Variants in EDN1 observed in about 807,000 individuals in gnomAD.
The protein encoded by EDN1 is endothelin-1.
A neutral mutation model predicts 21.7 loss-of-function variants in EDN1; 11 were observed. That is an observed-to-expected ratio of 0.51 (90% CI 0.32 to 0.84). The LOEUF is 0.84. Among genes scored for constraint, EDN1 ranks in the 40% least tolerant of loss-of-function variants. The pLI is 0.03. For missense variants in EDN1, 244 were observed against 262.3 expected (o/e 0.93, Z 0.48); for synonymous variants, 85 against 90.6 (o/e 0.94, Z 0.35).
At chr6:12,288,057 AG>A (rs1368826779), upstream of EDN1, among the ~76,000 whole-genome samples, 2 of 151,988 alleles carry the variant, frequency 1.3e-5, no homozygotes, top group Non-Finnish European at 2.9e-5. Context: ...TGGAACCTGC[AG>A]GGGCAGCCTC....
chr6:12,238,615 C>T, the EDN1 span, among the ~76,000 whole-genome samples: 14 of 152,342 alleles, frequency 9.2e-5, no homozygotes, highest in Admixed American at 8.5e-4. Flanking sequence ...CTTAGAACCA[C>T]GGCTGATGCA....
At chr6:12,233,082 T>C in the EDN1 span, among the ~76,000 whole-genome samples, 1 of 152,224 alleles carries the variant, frequency 6.6e-6, no homozygotes, top group Non-Finnish European at 1.5e-5. Context: ...TTAAGTTTTC[T>C]CTTTTTTCTC....
the EDN1 span, among the ~76,000 whole-genome samples, chr6:12,274,939 C>CTCCTTCCTTCCTTCCTTCCT: frequency 3.1e-4 from 42 of 135,452 alleles, 2 homozygotes; most frequent in South Asian, 8.2e-4. Context: ...TTTCTTCCTT[C>CTCCTTCCTTCCTTCCTTCCT]TCCTTCCTTC....
At chr6:12,258,640 G>A in the EDN1 span, among the ~76,000 whole-genome samples, 1 of 152,160 alleles carries the variant, frequency 6.6e-6, no homozygotes, top group Non-Finnish European at 1.5e-5. Flanking sequence ...CAACGTGTGT[G>A]AACCTTACAT....
At position 12,290,482 on chromosome 6, in the gene EDN1, C is replaced by A. The variant is rs574179798; in HGVS notation, c.-148C>A. 1 of 633,558 alleles carries A rather than the reference C, an allele frequency of 1.6e-6. No individual in the cohort carries two copies. Among genetic ancestry groups the A allele is most frequent in the Non-Finnish European group, 2.7e-6 (1 of 373,982 alleles). 39.2% of individuals were successfully genotyped at this position (633,558 alleles called of 1,614,324 possible). A position where few individuals can be genotyped will look rare whatever the true frequency, so the allele number is the denominator to read the frequency against. Reference sequence around the variant, plus strand: ...TGCCTTCTCTCCTGGCAGGCGCTGCCTTTTCTCCCCGTTAAAAGGGCACTT... The same window carrying A: ...TGCCTTCTCTCCTGGCAGGCGCTGCATTTTCTCCCCGTTAAAAGGGCACTT... On this transcript the variant is annotated 5_prime_UTR_variant, in exon 1 of 5. Transcript: ENST00000379375.
At chr6:12,231,975 CT>C in the EDN1 span, among the ~76,000 whole-genome samples, 1 of 151,098 alleles carries the variant, frequency 6.6e-6, no homozygotes, top group South Asian at 2.1e-4. Context: ...ACCATAAAGA[CT>C]TTTTTAGCAT....
At chr6:12,271,226 T>C in the EDN1 span, among the ~76,000 whole-genome samples, 3 of 152,178 alleles carry the variant, frequency 2.0e-5, no homozygotes, top group Admixed American at 6.5e-5. Flanking sequence ...TTATTAATTG[T>C]TTTCCGGTTG....
At chr6:12,254,324 T>C in the EDN1 span, among the ~76,000 whole-genome samples, 1 of 152,178 alleles carries the variant, frequency 6.6e-6, no homozygotes, top group Admixed American at 6.6e-5. Flanking sequence ...CCTGGCCAAT[T>C]CCTATTGAGT....
the EDN1 span, among the ~76,000 whole-genome samples, chr6:12,284,096 C>T: frequency 6.6e-6 from 1 of 152,160 alleles, no homozygotes; most frequent in Non-Finnish European, 1.5e-5. Context: ...AAAATCCATG[C>T]TACCTTTACA....
upstream of EDN1, among the ~76,000 whole-genome samples, chr6:12,289,799 A>AC (rs1762628066): frequency 6.6e-6 from 1 of 152,160 alleles, no homozygotes; most frequent in Admixed American, 6.5e-5. Context: ...AGCAAAAAAG[A>AC]CCCGCAGGAA....
the EDN1 span, among the ~76,000 whole-genome samples, chr6:12,240,424 T>C: frequency 9.9e-5 from 15 of 152,228 alleles, no homozygotes; most frequent in East Asian, 7.7e-4. Flanking sequence ...GGAACTATTA[T>C]GTGATTCTCA....
the EDN1 span, among the ~76,000 whole-genome samples, chr6:12,250,885 A>G: frequency 6.6e-6 from 1 of 152,218 alleles, no homozygotes; most frequent in African/African-American, 2.4e-5. Context: ...ATCTTTGTAT[A>G]TAACAACTGG....
At chr6:12,274,704 A>G in the EDN1 span, among the ~76,000 whole-genome samples, 3 of 152,146 alleles carry the variant, frequency 2.0e-5, no homozygotes, top group African/African-American at 4.8e-5. Flanking sequence ...GTCTCACTCA[A>G]TTTTTGTCAG....
At chr6:12,255,709 T>G in the EDN1 span, among the ~76,000 whole-genome samples, 2 of 152,252 alleles carry the variant, frequency 1.3e-5, no homozygotes, top group Non-Finnish European at 2.9e-5. Context: ...TACCATCACA[T>G]GTAATCATTA....
At chr6:12,248,276 T>C in the EDN1 span, among the ~76,000 whole-genome samples, 20 of 152,114 alleles carry the variant, frequency 1.3e-4, no homozygotes, top group Non-Finnish European at 2.8e-4. Context: ...AAGAGAGAGC[T>C]CTTACCAGGA....
the EDN1 span, among the ~76,000 whole-genome samples, chr6:12,284,859 A>T: frequency 6.6e-6 from 1 of 152,154 alleles, no homozygotes; most frequent in African/African-American, 2.4e-5. Flanking sequence ...TCCTTTTAGC[A>T]TCTCATTCAG....
the EDN1 span, among the ~76,000 whole-genome samples, chr6:12,277,516 TAAGA>T: frequency 1.3e-5 from 2 of 152,154 alleles, no homozygotes; most frequent in Non-Finnish European, 2.9e-5. Context: ...ACACAATTAG[TAAGA>T]AATAGATTTG....
At chr6:12,292,134 C>T (rs1306262497) in intron 1 of EDN1, among the ~76,000 whole-genome samples, 1 of 151,616 alleles carries the variant, frequency 6.6e-6, no homozygotes, top group African/African-American at 2.4e-5. Flanking sequence ...GGTGGATAAG[C>T]CAAGGGCATG....
At chr6:12,263,537 T>C in the EDN1 span, among the ~76,000 whole-genome samples, 1 of 152,212 alleles carries the variant, frequency 6.6e-6, no homozygotes, top group Non-Finnish European at 1.5e-5. Context: ...TTTGGGTTTG[T>C]AGAGAGACTT....
Sources: allele counts gnomAD v4.1 joint callset (sites outside exome capture counted in the v4.1 genomes callset), GRCh38; gene constraint gnomAD v4.1.1; transcripts MANE v1.5; gene names NCBI Gene and HGNC (gene_info 2026-07-23, HGNC 2026-07-21).